The following CIITA variants were observed in gnomAD, a reference collection of about 807,000 sequenced individuals.
CIITA encodes the protein MHC class II transactivator.
A neutral mutation model predicts 115.1 loss-of-function variants in CIITA; 72 were observed. The observed-to-expected ratio is 0.63, with a 90% CI of 0.52 to 0.76. The LOEUF is 0.76. Ranked by LOEUF, CIITA falls within the 30% of genes least tolerant of loss-of-function variation. The pLI, the probability that CIITA is intolerant of heterozygous loss-of-function variation, is 0.00. For missense variants in CIITA, 1,617 were observed against 1,463.8 expected, an observed-to-expected ratio of 1.10 and a Z score of -1.71; for synonymous variants, 763 against 635.6, an observed-to-expected ratio of 1.20 and a Z score of -3.02.
intron 9 of CIITA, 98 bp downstream of exon 9, chr16:10,903,993 A>G: frequency 2.0e-6 from 3 of 1,502,544 alleles, no homozygotes; most frequent in Non-Finnish European, 2.8e-6. Flanking sequence ...AGCTGCCTGT[A>G]GGGACAACAG....
intron 1 of CIITA, chr16:10,888,641 A>G (rs1376732799): frequency 2.6e-5 from 4 of 152,272 alleles, no homozygotes; most frequent in Non-Finnish European, 5.9e-5. Flanking sequence ...CAAAAAGATC[A>G]GGAATATTTT....
chr16:10,941,924 T>C lies in CIITA; in HGVS notation n.1050T>C, dbSNP rs767543213. On this transcript the variant is annotated non_coding_transcript_exon_variant, in exon 2 of 2. Transcript: ENST00000573379. This position sits in a 1 kb window ranked among gnomAD's most constrained non-coding sequence, Gnocchi z 6.4. ...ACGAAGAACAGGCCCACGTAGAACA[T>C]AGAGGGCAGCAGCGGCGGCGGCACG... 6.9e-6 allele frequency: 11 copies of C among 1,601,402 alleles called. No homozygotes were observed. Among genetic ancestry groups the C allele is most frequent in the East Asian group, 2.2e-5 (1 of 44,526 alleles).
In CIITA at chr16:10,929,127, C is replaced by T; in HGVS notation, c.*5272C>T. On this transcript the variant is annotated 3_prime_UTR_variant, in exon 20 of 20. Transcript: ENST00000324288. This position sits in a 1 kb window ranked among gnomAD's most constrained non-coding sequence, Gnocchi z 4.3. ...CTCAGCCCCCCAACAGCTTCCTCAG[C>T]TTCTTTTTCTTCTGAGTCACCCCTG... is the stretch of plus-strand genomic sequence containing the variant. 2 of 827,116 alleles carry T rather than the reference C, an allele frequency of 2.4e-6. No homozygotes were observed. The highest frequency in any genetic ancestry group is 1.5e-6 in the Non-Finnish European group (1 of 685,536). The allele number at this position is 827,116 out of a possible 1,614,324, so 51.2% of individuals were successfully genotyped here. A position where few individuals can be genotyped will look rare whatever the true frequency, so the allele number is the denominator to read the frequency against.
upstream of CIITA, among the ~76,000 whole-genome samples, chr16:10,872,514 C>T (rs910108172): frequency 7.9e-5 from 12 of 152,236 alleles, no homozygotes; most frequent in African/African-American, 2.7e-4. Context: ...CTCATGTCTA[C>T]TTATCAGTTA....
intron 1 of CIITA, among the ~76,000 whole-genome samples, chr16:10,880,320 T>C (rs1427098043): frequency 1.3e-5 from 2 of 152,086 alleles, no homozygotes; most frequent in Non-Finnish European, 2.9e-5. Context: ...GAGGCTGAGA[T>C]CCTGCAGGTT....
At chr16:10,895,490 G>T (rs530759587) in intron 2 of CIITA, 62 bp downstream of exon 2, 24 of 1,604,186 alleles carry the variant, frequency 1.5e-5, no homozygotes, top group African/African-American at 2.7e-5. Flanking sequence ...CTGTAGAGAC[G>T]GCAATCAGGG....
chr16:10,908,603 C>G, intron 11 of CIITA: 1 of 423,412 alleles, frequency 2.4e-6, no homozygotes, highest in South Asian at 2.2e-5. Flanking sequence ...TGTATCCCAT[C>G]CCTGCTTACA....
intron 1 of CIITA, among the ~76,000 whole-genome samples, chr16:10,867,297 C>T (rs1376862847): frequency 7.1e-6 from 1 of 140,634 alleles, no homozygotes; most frequent in Non-Finnish European, 1.6e-5. Context: ...AGAGAAAAAG[C>T]TGAAAGCAGA....
chr16:10,881,482 C>G (rs549861380), intron 1 of CIITA, among the ~76,000 whole-genome samples: 1 of 152,298 alleles, frequency 6.6e-6, no homozygotes, highest in South Asian at 2.1e-4. Context: ...AGGACAAAGT[C>G]TCTGATTTTC....
At chr16:10,918,188 G>A (rs1039124121) in intron 15 of CIITA, among the ~76,000 whole-genome samples, 5 of 152,234 alleles carry the variant, frequency 3.3e-5, no homozygotes, top group South Asian at 4.1e-4. Context: ...AAGTGGCGCA[G>A]AGGGAAAAGA....
chr16:10,893,804 TAAAAAAAA>T (rs71136603), intron 1 of CIITA, among the ~76,000 whole-genome samples: 896 of 32,148 alleles, frequency 0.028, 21 homozygotes, highest in African/African-American at 0.087. Context: ...GACTCCGTCT[TAAAAAAAA>T]AAAAAAAAAA....
intron 16 of CIITA, among the ~76,000 whole-genome samples, chr16:10,918,876 G>A (rs1188677220): frequency 6.6e-6 from 1 of 152,170 alleles, no homozygotes; most frequent in African/African-American, 2.4e-5. Flanking sequence ...GGCTAACCAC[G>A]TACGTCAGCT....
Position 10,933,728 on chromosome 16 carries a change from G to A in CIITA, c.*9873G>A, listed in dbSNP as rs1216276879. On this transcript the variant is annotated 3_prime_UTR_variant, in exon 20 of 20. Transcript: ENST00000324288. The stretch of plus-strand genomic sequence containing the variant: ...GGCTAGGGGCCTTCTGAAAGCAGCA[G>A]CACTTTTCCTCCTTCAAAGACCTTG... The A allele has an allele frequency of 6.6e-6, 1 of 152,256 alleles. No individual in the cohort carries two copies. The highest frequency in any genetic ancestry group is 2.4e-5 in the African/African-American group (1 of 41,442). The allele number at this position is 152,256 out of a possible 1,614,324, so 9.4% of individuals were successfully genotyped here.
In CIITA at chr16:10,941,501, TG is replaced by T. The variant is rs1219768962; in HGVS notation, n.630del. On this transcript the variant is annotated non_coding_transcript_exon_variant, in exon 2 of 2. Transcript: ENST00000573379. This position sits in a 1 kb window ranked among gnomAD's most constrained non-coding sequence, Gnocchi z 6.4. ...CTGAGGGAGGGGTGTGTATCCGGCC[TG>T]GGAATTCCTCCCTCTCCCTTGCTAG... 2.1e-4 allele frequency: 280 copies of T among 1,364,016 alleles called. No homozygotes were observed. The highest frequency in any genetic ancestry group is 2.6e-4 in the Non-Finnish European group (269 of 1,052,616). The allele number at this position is 1,364,016 out of a possible 1,614,324, so 84.5% of individuals were successfully genotyped here. A position where few individuals can be genotyped will look rare whatever the true frequency, so the allele number is the denominator to read the frequency against.
chr16:10,904,957 A>C lies in CIITA; in HGVS notation c.1006+145A>C, dbSNP rs112587174. The C allele has an allele frequency of 1.4e-3, 1,156 of 849,928 alleles. 17 individuals are homozygous for C. The African/African-American group carries it at 0.018, about 13-fold the overall frequency. 52.6% of individuals were successfully genotyped at this position (849,928 alleles called of 1,614,324 possible). A position where few individuals can be genotyped will look rare whatever the true frequency, so the allele number is the denominator to read the frequency against. ...TATTTATTCATTCATTCATTCATTC[A>C]CTTATTTGATTATGCCATCATTTCA... On this transcript the variant is annotated intron_variant, in intron 10 of 19. Coordinates refer to ENST00000324288, the MANE Select transcript of CIITA (RefSeq NM_000246.4).
chr16:10,895,740 A>C lies in CIITA; in HGVS notation c.271A>C (p.Thr91Pro). The stretch of plus-strand genomic sequence containing the variant: ...GTGTGACATGGAAGGTGATGAAGAG[A>C]CCAGGGAGGCTTATGCCAATATCGG... ...LLCDMEGDEETREAYANIAEL... is the reference protein window; with the variant it reads ...LLCDMEGDEEPREAYANIAEL... Residue 91 changes from threonine to proline, a missense_variant, in exon 3 of 20, where the codon ACC (threonine) becomes CCC (proline). Transcript: ENST00000324288. 1 of 1,614,098 alleles carries C rather than the reference A, an allele frequency of 6.2e-7. No individual in the cohort carries two copies. The highest frequency in any genetic ancestry group is 8.5e-7 in the Non-Finnish European group (1 of 1,180,016).
At chr16:10,898,581 G>T in intron 3 of CIITA, 89 bp from the exon 4 acceptor site, 2 of 1,138,014 alleles carry the variant, frequency 1.8e-6, no homozygotes, top group East Asian at 2.6e-5. Context: ...TGTGTGCCAG[G>T]CCCAGAGGTT....
At chr16:10,915,203 C>G (rs1401257063) in intron 13 of CIITA, 1 of 377,924 alleles carries the variant, frequency 2.6e-6, no homozygotes, top group Admixed American at 3.6e-5. Context: ...GGACACACCA[C>G]CACACTTGGC....
intron 14 of CIITA, 141 bp downstream of exon 14, chr16:10,915,791 T>G: frequency 1.3e-6 from 1 of 784,470 alleles, no homozygotes; most frequent in Non-Finnish European, 2.2e-6. Flanking sequence ...AGGTGCATGC[T>G]ACAGTGCCCA....
Sources: gnomAD v4.1 joint callset for allele counts (sites outside exome capture counted in the v4.1 genomes callset) on GRCh38, gnomAD v4.1.1 for gene constraint, Gnocchi (gnomAD v3.1) non-coding constraint, MANE v1.5 for transcripts, NCBI Gene and HGNC (gene_info 2026-07-23, HGNC 2026-07-21) for gene names.